Variants in ZNF831 observed in about 807,000 individuals in gnomAD.
ZNF831 encodes the protein zinc finger protein 831.
A neutral mutation model predicts 95.8 loss-of-function variants in ZNF831; 59 were observed. That is an observed-to-expected ratio of 0.62 (90% confidence interval 0.50 to 0.77). The LOEUF (loss-of-function observed/expected upper bound fraction) is 0.77, where lower values mean the gene tolerates loss of function less well. Among genes scored for constraint, ZNF831 ranks in the 30% least tolerant of loss-of-function variants. The pLI, the probability that ZNF831 is intolerant of heterozygous loss-of-function variation, is 0.00. For missense variants in ZNF831, 2,205 were observed against 2,164.0 expected, an observed-to-expected ratio of 1.02 and a Z score of -0.38; for synonymous variants, 961 against 925.5, an observed-to-expected ratio of 1.04 and a Z score of -0.70.
At chr20:59,186,276 C>G (rs1015640678) in intron 1 of ZNF831, among the ~76,000 whole-genome samples, 1 of 152,148 alleles carries the variant, frequency 6.6e-6, no homozygotes, top group Non-Finnish European at 1.5e-5. Context: ...GAATCCTTTT[C>G]TCAGGAACCC....
intron 1 of ZNF831, among the ~76,000 whole-genome samples, chr20:59,182,191 A>G (rs370005076): frequency 6.6e-5 from 10 of 151,844 alleles, no homozygotes; most frequent in Non-Finnish European, 1.2e-4. Context: ...TGGCCTGGAC[A>G]TGGTGTCACA....
intron 4 of ZNF831, among the ~76,000 whole-genome samples, chr20:59,231,947 C>A (rs377675076): frequency 2.0e-5 from 3 of 152,196 alleles, no homozygotes; most frequent in African/African-American, 7.2e-5. Flanking sequence ...CAGAACAAGG[C>A]GTGAGAGATT....
intron 1 of ZNF831, among the ~76,000 whole-genome samples, chr20:59,135,671 C>T (rs771196149): frequency 6.6e-6 from 1 of 152,066 alleles, no homozygotes; most frequent in African/African-American, 2.4e-5. Flanking sequence ...GCGGAGCTGG[C>T]AGTGAGCCGA....
At chr20:59,179,384 C>T (rs1982431452) in intron 1 of ZNF831, among the ~76,000 whole-genome samples, 1 of 152,216 alleles carries the variant, frequency 6.6e-6, no homozygotes, top group Non-Finnish European at 1.5e-5. Context: ...AGCTTCCTTT[C>T]ACATCCTGGA....
intron 1 of ZNF831, among the ~76,000 whole-genome samples, chr20:59,140,844 T>G (rs888075581): frequency 6.6e-6 from 1 of 152,222 alleles, no homozygotes. Context: ...GTCTGGATAT[T>G]GGCCCTTTGT....
chr20:59,238,815 C>T (rs151009448), intron 4 of ZNF831, among the ~76,000 whole-genome samples: 41 of 150,386 alleles, frequency 2.7e-4, no homozygotes, highest in African/African-American at 1.0e-3. Flanking sequence ...TCCTCTCCCC[C>T]TTGTATCTAT....
chr20:59,212,601 G>A (rs1397114865), intron 4 of ZNF831, among the ~76,000 whole-genome samples: 13 of 152,134 alleles, frequency 8.5e-5, no homozygotes. Flanking sequence ...AGGGCTGAGG[G>A]GTGCACTTAA....
intron 3 of ZNF831, among the ~76,000 whole-genome samples, chr20:59,199,117 A>ATCTATCTG (rs1555829075): frequency 2.5e-5 from 3 of 120,200 alleles, no homozygotes; most frequent in Non-Finnish European, 3.2e-5. Flanking sequence ...CTATCTATCT[A>ATCTATCTG]TCTATCTATC....
Position 59,191,979 on chromosome 20 carries a change from G to C in ZNF831, c.960G>C (p.Ala320=), listed in dbSNP as rs750666279. 1 of 1,606,688 alleles carries C rather than the reference G, an allele frequency of 6.2e-7. No individual in the cohort carries two copies. Among genetic ancestry groups the C allele is most frequent in the Non-Finnish European group, 8.5e-7 (1 of 1,177,482 alleles). The change falls in exon 2 of 6, where the codon GCG becomes GCC. Residue 320 remains alanine, a synonymous_variant. Transcript: ENST00000371030. The part of the protein sequence containing the change: ...GKPCALQRQQ[A]TAAEKPWDAK... ...CGTGCGCCCTGCAGCGGCAGCAGGC[G>C]ACGGCAGCGGAGAAGCCCTGGGATG...
intron 2 of ZNF831, among the ~76,000 whole-genome samples, chr20:59,149,558 A>G (rs74557360): frequency 0.02 from 3,036 of 152,342 alleles, 49 homozygotes; most frequent in Non-Finnish European, 0.03. Flanking sequence ...CTTACTATAA[A>G]ATAAGATCTC....
At chr20:59,226,179 A>G (rs1986419235) in intron 4 of ZNF831, among the ~76,000 whole-genome samples, 1 of 152,136 alleles carries the variant, frequency 6.6e-6, no homozygotes, top group Admixed American at 6.5e-5. Flanking sequence ...GCTTATATTG[A>G]GGAGGGATGT....
intron 4 of ZNF831, among the ~76,000 whole-genome samples, chr20:59,239,437 G>C (rs534448081): frequency 1.3e-5 from 2 of 151,864 alleles, no homozygotes; most frequent in Admixed American, 1.3e-4. Context: ...AAGATTTCTC[G>C]AATACATTTT....
At chr20:59,201,153 A>T (rs1201032332) in intron 3 of ZNF831, among the ~76,000 whole-genome samples, 3 of 151,918 alleles carry the variant, frequency 2.0e-5, no homozygotes, top group African/African-American at 4.8e-5. Flanking sequence ...TGGTATGGTA[A>T]TTTTTTTTAG....
intron 1 of ZNF831, among the ~76,000 whole-genome samples, chr20:59,126,725 A>C (rs1274196481): frequency 6.6e-6 from 1 of 152,204 alleles, no homozygotes; most frequent in African/African-American, 2.4e-5. Flanking sequence ...TGCTGTCCGC[A>C]TCAGCCACCT....
At chr20:59,204,788 C>A (rs1397008954) in intron 3 of ZNF831, among the ~76,000 whole-genome samples, 1 of 152,136 alleles carries the variant, frequency 6.6e-6, no homozygotes. Flanking sequence ...ACTGGCCACA[C>A]CTTGAGGGGA....
intron 1 of ZNF831, among the ~76,000 whole-genome samples, chr20:59,183,637 A>G (rs1251010143): frequency 6.6e-6 from 1 of 152,180 alleles, no homozygotes; most frequent in Non-Finnish European, 1.5e-5. Flanking sequence ...ACATGACATC[A>G]TGGTTTATAC....
In ZNF831 at chr20:59,176,276, T is replaced by C. The variant is rs115487750; in HGVS notation, c.-37+12069T>C. Among the ~76,000 whole-genome samples the C allele has an allele frequency of 2.3e-3, 356 of 152,274 alleles. 3 individuals are homozygous for C. The highest frequency in any genetic ancestry group is 8.3e-3 in the African/African-American group (343 of 41,546). ...GGACATTCTGGAAAAGACAAACTTA[T>C]AGGGACAGAAAACAGATCTGTGGTT... On this transcript the variant is annotated intron_variant, in intron 1 of 5. Coordinates refer to ENST00000371030, the MANE Select transcript of ZNF831 (RefSeq NM_178457.3).
intron 1 of ZNF831, among the ~76,000 whole-genome samples, chr20:59,184,107 C>A (rs536839645): frequency 1.3e-5 from 2 of 152,160 alleles, no homozygotes; most frequent in South Asian, 4.1e-4. Flanking sequence ...GAAGGTCATA[C>A]AGTTGGAACC....
upstream of ZNF831, among the ~76,000 whole-genome samples, chr20:59,162,704 T>C (rs1292653648): frequency 6.6e-6 from 1 of 152,318 alleles, no homozygotes; most frequent in South Asian, 2.1e-4. Flanking sequence ...GGCCTTGTAG[T>C]ATAGTTTGAA....
Sources: gnomAD v4.1 joint callset for allele counts (sites outside exome capture counted in the v4.1 genomes callset) on GRCh38, gnomAD v4.1.1 for gene constraint, MANE v1.5 for transcripts, NCBI Gene and HGNC (gene_info 2026-07-23, HGNC 2026-07-21) for gene names.